Variants in R3HCC1 observed in about 807,000 individuals in gnomAD.
The protein encoded by R3HCC1 is R3H and coiled-coil domain-containing protein 1.
R3HCC1 carries 32 observed loss-of-function variants against 40.0 expected under a neutral mutation model. The observed-to-expected ratio is 0.80, with a 90% CI of 0.60 to 1.07. The LOEUF (loss-of-function observed/expected upper bound fraction) is 1.07, where lower values mean the gene tolerates loss of function less well. R3HCC1 is among the 50% of genes least tolerant of loss of function. The probability of loss-of-function intolerance (pLI) is 0.00; values close to 1 mark genes in which losing one functional copy is unlikely to be tolerated. For synonymous variants in R3HCC1, 237 were observed against 232.8 expected (o/e 1.02, Z -0.17); for missense variants, 586 against 563.3 (o/e 1.04, Z -0.41).
chr8:23,294,277 T>C (rs1444170225), intron 6 of R3HCC1, among the ~76,000 whole-genome samples: 2 of 152,198 alleles, frequency 1.3e-5, no homozygotes, highest in Non-Finnish European at 1.5e-5. Flanking sequence ...GAGAGCAGGT[T>C]CCCTTGCTTC....
intron 7 of R3HCC1, chr8:23,295,598 G>C: frequency 2.2e-6 from 1 of 462,754 alleles, no homozygotes; most frequent in Non-Finnish European, 4.2e-6. Flanking sequence ...AGGGTTTCTT[G>C]GAACAATAAA....
chr8:23,291,541 G>A lies in R3HCC1; in HGVS notation c.1025+8G>A. ...AACGTTTTCTGAGTTCCAGTGAGTG[G>A]TGGCTGGGGAGGTGCTGCCTTCAGA... On this transcript the variant is annotated splice_region_variant and intron_variant, in intron 5 of 7. Transcript: ENST00000265806. 1.3e-6 allele frequency: 2 copies of A among 1,550,122 alleles called. No homozygotes were observed. The highest frequency in any genetic ancestry group is 1.7e-6 in the Non-Finnish European group (2 of 1,146,646).
In R3HCC1 at chr8:23,293,315, C is replaced by T; in HGVS notation, c.1038C>T (p.Phe346=). The T allele has an allele frequency of 6.4e-7, 1 of 1,551,366 alleles. No homozygotes were observed. Among genetic ancestry groups the T allele is most frequent in the South Asian group, 1.2e-5 (1 of 84,026 alleles). ...TCTCGCCGCACAGAGAGAAGGGGTT[C>T]AGGATTCAGTGGGTGGATGATACTC... Residue 346 remains phenylalanine, a synonymous_variant, in exon 6 of 8, where the codon TTC becomes TTT. Transcript: ENST00000265806.
chr8:23,291,144 C>T (rs1422530587), intron 4 of R3HCC1: 1 of 481,826 alleles, frequency 2.1e-6, no homozygotes, highest in Non-Finnish European at 3.7e-6. Context: ...TGTGTAATTG[C>T]CAGTCACTTA....
At chr8:23,294,562 G>A (rs1017432296) in intron 6 of R3HCC1, among the ~76,000 whole-genome samples, 8 of 152,220 alleles carry the variant, frequency 5.3e-5, no homozygotes, top group Non-Finnish European at 1.0e-4. Flanking sequence ...TCCTCTGAGC[G>A]CAGGTGTCCC....
Position 23,289,884 on chromosome 8 carries a change from C to A in R3HCC1, c.267C>A (p.Gly89=), listed in dbSNP as rs1802821765. Residue 89 remains glycine (G), a synonymous_variant, in exon 4 of 8, where the codon GGC becomes GGA. Coordinates refer to ENST00000265806, the MANE Select transcript of R3HCC1 (RefSeq NM_001136108.3). The stretch of plus-strand genomic sequence containing the variant: ...GCTCCAGGGTACCCAGTTCGGATGG[C>A]CTCTCTGGCCCCTGCCGCGCTCCTG... 6.6e-7 allele frequency: 1 copy of A among 1,520,754 alleles called. No homozygotes were observed. Among genetic ancestry groups the A allele is most frequent in the South Asian group, 1.2e-5 (1 of 81,954 alleles). The allele number at this position is 1,520,754 out of a possible 1,614,324, so 94.2% of individuals were successfully genotyped here. A position where few individuals can be genotyped will look rare whatever the true frequency, so the allele number is the denominator to read the frequency against.
chr8:23,296,013 G>C lies in R3HCC1; in HGVS notation c.1239G>C (p.Val413=), dbSNP rs941185531. ...AGAGGCCACAGACAAATGCGACTGTGGCCCGGCGGCTGGTGGCCCGGGCCC... is the reference window on the plus strand; with the variant it reads ...AGAGGCCACAGACAAATGCGACTGTCGCCCGGCGGCTGGTGGCCCGGGCCC... Residue 413 remains valine, a synonymous_variant, in exon 8 of 8, where the codon GTG becomes GTC. Transcript: ENST00000265806. 1 of 1,550,786 alleles carries C rather than the reference G, an allele frequency of 6.4e-7. No individual in the cohort carries two copies. Among genetic ancestry groups the C allele is most frequent in the African/African-American group, 1.4e-5 (1 of 73,050 alleles).
At chr8:23,288,244 C>T (rs1053983369) in intron 1 of R3HCC1, 87 bp downstream of exon 1, 1 of 1,171,378 alleles carries the variant, frequency 8.5e-7, no homozygotes, top group Non-Finnish European at 1.1e-6. Context: ...GGAGCAGGCC[C>T]CCGTGAGCCC....
In R3HCC1 at chr8:23,293,357, T is replaced by C; in HGVS notation, c.1080T>C (p.Phe360=). The C allele has an allele frequency of 6.4e-7, 1 of 1,551,298 alleles. No individual in the cohort carries two copies. The highest frequency in any genetic ancestry group is 8.7e-7 in the Non-Finnish European group (1 of 1,146,830). Reference sequence around the variant, plus strand: ...ATGATACTCACGCACTCGGCATCTTTCCCTGCCTGGCCTCAGGTAAGGCAC... The same window carrying C: ...ATGATACTCACGCACTCGGCATCTTCCCCTGCCTGGCCTCAGGTAAGGCAC... Residue 360 remains phenylalanine (F), a synonymous_variant, in exon 6 of 8, where the codon TTT becomes TTC. Transcript: ENST00000265806.
intron 7 of R3HCC1, 72 bp downstream of exon 7, chr8:23,294,936 C>CGTGTGT (rs923768744): frequency 5.8e-6 from 6 of 1,040,458 alleles, no homozygotes; most frequent in Non-Finnish European, 8.7e-6. Flanking sequence ...TGTGTGTGTG[C>CGTGTGT]GTGTGTGTGT....
intron 4 of R3HCC1, 66 bp from the exon 5 acceptor site, chr8:23,291,295 G>C (rs561357128): frequency 4.0e-6 from 6 of 1,508,318 alleles, no homozygotes; most frequent in East Asian, 2.5e-5. Flanking sequence ...CTCTCAGCGC[G>C]TGGGCTAGTG....
At position 23,289,076 on chromosome 8, in the gene R3HCC1, G is replaced by T. The variant is rs1488231808; in HGVS notation, c.171G>T (p.Glu57Asp). 1 of 1,536,596 alleles carries T rather than the reference G, an allele frequency of 6.5e-7. No individual in the cohort carries two copies. The highest frequency in any genetic ancestry group is 8.7e-7 in the Non-Finnish European group (1 of 1,147,006). Residue 57 changes from glutamate (E) to aspartate (D), a missense_variant, in exon 3 of 8, where the codon GAG (glutamate) becomes GAT (aspartate). Transcript: ENST00000265806. ...GGTACCTGATCCATAGAACAGCAGA[G>T]AATTTTGATCTCTTGAGCAGCTTCT... is the stretch of plus-strand genomic sequence containing the variant.
intron 4 of R3HCC1, 124 bp from the exon 5 acceptor site, chr8:23,291,237 G>T: frequency 7.2e-7 from 1 of 1,386,910 alleles, no homozygotes. Context: ...TCTGCCTGCT[G>T]CTGCCTTTCC....
intron 3 of R3HCC1, 55 bp from the exon 4 acceptor site, chr8:23,289,811 C>T: frequency 6.9e-7 from 1 of 1,440,934 alleles, no homozygotes; most frequent in East Asian, 2.5e-5. Flanking sequence ...TCTAGTAAAT[C>T]ATTTTCCTTT....
chr8:23,293,073 T>C (rs1174672368), intron 5 of R3HCC1, among the ~76,000 whole-genome samples: 2 of 152,176 alleles, frequency 1.3e-5, no homozygotes, highest in African/African-American at 4.8e-5. Flanking sequence ...TTCTAGAAAC[T>C]GGTGACCTGC....
In R3HCC1 at chr8:23,290,285, G is replaced by A. The variant is rs1585332425; in HGVS notation, c.668G>A (p.Gly223Glu). The A allele has an allele frequency of 3.2e-6, 5 of 1,551,764 alleles. No individual in the cohort carries two copies. Among genetic ancestry groups the A allele is most frequent in the East Asian group, 2.4e-5 (1 of 40,924 alleles). ...CCTCTGGGGCCTGAGAGTCAGTCAGGGAAGGGAGACATGGTGGAGATGGCC... is the reference window on the plus strand; with the variant it reads ...CCTCTGGGGCCTGAGAGTCAGTCAGAGAAGGGAGACATGGTGGAGATGGCC... Residue 223 changes from glycine to glutamate, a missense_variant, in exon 4 of 8, where the codon GGG becomes GAG. Physicochemically the swap from Gly to Glu is moderately conservative, Grantham distance 98. Transcript: ENST00000265806.
At chr8:23,291,657 G>A in intron 5 of R3HCC1, 124 bp downstream of exon 5, 1 of 1,438,820 alleles carries the variant, frequency 7.0e-7, no homozygotes, top group Non-Finnish European at 9.3e-7. Flanking sequence ...GAAAGTGGGT[G>A]TGTTGCCTGG....
chr8:23,291,339 C>CT (rs1421837655), intron 4 of R3HCC1, 22 bp from the exon 5 acceptor site: 4 of 1,541,572 alleles, frequency 2.6e-6, no homozygotes, highest in African/African-American at 2.7e-5. Context: ...GCTCCCCTTG[C>CT]TAAGGGTCCG....
At chr8:23,288,875 A>G (rs1233962034) in intron 2 of R3HCC1, 141 bp from the exon 3 acceptor site, 6 of 1,049,826 alleles carry the variant, frequency 5.7e-6, no homozygotes, top group Non-Finnish European at 8.2e-6. Flanking sequence ...ACCTCTATCT[A>G]TGCTCAGATC....
Sources: allele counts gnomAD v4.1 joint callset (sites outside exome capture counted in the v4.1 genomes callset), GRCh38; gene constraint gnomAD v4.1.1; transcripts MANE v1.5; gene names NCBI Gene and HGNC (gene_info 2026-07-23, HGNC 2026-07-21).